Variants in DMGDH observed in about 807,000 individuals in gnomAD.
DMGDH encodes the protein dimethylglycine dehydrogenase, mitochondrial.
A neutral mutation model predicts 95.2 loss-of-function variants in DMGDH; 76 were observed. The ratio of observed to expected loss-of-function variants is 0.80; its 90% CI spans 0.66 to 0.97. The LOEUF (loss-of-function observed/expected upper bound fraction) is 0.97, where lower values mean the gene tolerates loss of function less well. Among genes scored for constraint, DMGDH ranks in the 50% least tolerant of loss-of-function variants. DMGDH has a pLI of 0.00. For synonymous variants in DMGDH, 345 were observed against 377.6 expected (o/e 0.91, Z 1.00); for missense variants, 987 against 1,055.0 (o/e 0.94, Z 0.89).
At chr5:79,018,383 C>T (rs1014159155) in intron 14 of DMGDH, among the ~76,000 whole-genome samples, 7 of 152,066 alleles carry the variant, frequency 4.6e-5, no homozygotes, top group South Asian at 2.1e-4. Context: ...CAAGTTATGC[C>T]GAGGGAAAGA....
intron 5 of DMGDH, among the ~76,000 whole-genome samples, chr5:79,044,758 G>T (rs1024751982): frequency 2.0e-5 from 3 of 152,142 alleles, no homozygotes; most frequent in Non-Finnish European, 4.4e-5. Context: ...CCAGAGATTT[G>T]AAGATATCTG....
chr5:79,021,335 C>G, intron 14 of DMGDH: 1 of 1,109,164 alleles, frequency 9.0e-7, no homozygotes, highest in Non-Finnish European at 1.1e-6. Flanking sequence ...TGAGAGCCAT[C>G]AGGAGTATAT....
At position 79,069,509 on chromosome 5, in the gene DMGDH, GC is replaced by G; in HGVS notation, c.101+10del. 7.8e-7 allele frequency: 1 copy of G among 1,278,202 alleles called. No individual in the cohort carries two copies. The highest frequency in any genetic ancestry group is 9.9e-7 in the Non-Finnish European group (1 of 1,012,484). 79.2% of individuals were successfully genotyped at this position (1,278,202 alleles called of 1,614,324 possible). A position where few individuals can be genotyped will look rare whatever the true frequency, so the allele number is the denominator to read the frequency against. ...CCCCGTCGCCTCTGAGCAGGACGGG[GC>G]CCCACTCACCCTTCCCGGCCGCAGA... On this transcript the variant is annotated intron_variant, in intron 1 of 15. Coordinates refer to ENST00000255189, the MANE Select transcript of DMGDH (RefSeq NM_013391.3).
At chr5:79,007,251 C>T (rs772403051) in intron 14 of DMGDH, among the ~76,000 whole-genome samples, 4 of 152,194 alleles carry the variant, frequency 2.6e-5, no homozygotes, top group Non-Finnish European at 4.4e-5. Context: ...GACCCTTGAA[C>T]AATACCACTT....
intron 5 of DMGDH, 29 bp from the exon 6 acceptor site, chr5:79,044,581 C>T (rs1754616304): frequency 1.2e-6 from 2 of 1,612,438 alleles, no homozygotes; most frequent in South Asian, 2.2e-5. Flanking sequence ...TTAAAAGTGT[C>T]AGCCCATATA....
At chr5:79,018,638 A>G (rs1753794011) in intron 14 of DMGDH, among the ~76,000 whole-genome samples, 1 of 152,096 alleles carries the variant, frequency 6.6e-6, no homozygotes, top group Non-Finnish European at 1.5e-5. Flanking sequence ...AAACTTATCA[A>G]ATTGCTTACT....
chr5:79,038,326 A>G (rs1374884917), intron 7 of DMGDH, among the ~76,000 whole-genome samples: 2 of 152,136 alleles, frequency 1.3e-5, no homozygotes, highest in Admixed American at 1.3e-4. Flanking sequence ...TCTACTAAAA[A>G]TACAAAAATT....
Position 79,032,728 on chromosome 5 carries a change from C to G in DMGDH, c.1476G>C (p.Gln492His). 6.2e-7 allele frequency: 1 copy of G among 1,614,210 alleles called. No homozygotes were observed. Among genetic ancestry groups the G allele is most frequent in the Non-Finnish European group, 8.5e-7 (1 of 1,180,046 alleles). ...CSMGFHAGWE[Q>H]PHWFYKPGQD... is the part of the protein sequence containing the mutation. ...GGCCTGGTTTGTAGAACCAGTGCGGCTGCTCCCAGCCAGCATGGAACCCCA... is the reference window on the plus strand; with the variant it reads ...GGCCTGGTTTGTAGAACCAGTGCGGGTGCTCCCAGCCAGCATGGAACCCCA... Residue 492 changes from glutamine (Q) to histidine (H), a missense_variant, in exon 9 of 16, where the codon CAG becomes CAC. Gln to His is a conservative substitution (Grantham distance 24). Coordinates refer to ENST00000255189, the MANE Select transcript of DMGDH (RefSeq NM_013391.3).
At chr5:79,050,271 AAAATATATATATATAT>A (rs1347062770) in intron 5 of DMGDH, among the ~76,000 whole-genome samples, 21 of 20,146 alleles carry the variant, frequency 1.0e-3, no homozygotes, top group Admixed American at 1.7e-3. Context: ...AAAAAAAAAA[AAAATATATATATATAT>A]ATATATATAT....
In DMGDH at chr5:79,051,399, G is replaced by A; in HGVS notation, c.633C>T (p.Ala211=). The A allele has an allele frequency of 6.2e-7, 1 of 1,614,072 alleles. No individual in the cohort carries two copies. Among genetic ancestry groups the A allele is most frequent in the Non-Finnish European group, 8.5e-7 (1 of 1,180,006 alleles). The part of the protein sequence containing the change: ...ALAAGARKCG[A]LLKYPAPVTS... ...TTACTGGTGCAGGATATTTTAAAAG[G>A]GCACCACATTTCCTAGCCCCAGCAG... Residue 211 remains alanine, a synonymous_variant, in exon 5 of 16, where the codon GCC becomes GCT. Coordinates refer to ENST00000255189, the MANE Select transcript of DMGDH (RefSeq NM_013391.3).
intron 14 of DMGDH, among the ~76,000 whole-genome samples, chr5:79,011,318 G>A (rs1753644088): frequency 6.6e-6 from 1 of 152,166 alleles, no homozygotes; most frequent in African/African-American, 2.4e-5. Flanking sequence ...TATGGATCTT[G>A]CCAGCAGCAA....
intron 15 of DMGDH, among the ~76,000 whole-genome samples, chr5:78,999,433 C>T (rs1465204776): frequency 6.6e-6 from 1 of 152,182 alleles, no homozygotes. Flanking sequence ...CAGGTTCATG[C>T]CATTCTCCTG....
intron 7 of DMGDH, among the ~76,000 whole-genome samples, chr5:79,033,710 CG>C (rs1754258379): frequency 6.6e-6 from 1 of 152,142 alleles, no homozygotes; most frequent in South Asian, 2.1e-4. Context: ...TTGGAAGGAT[CG>C]TTTGAGACCA....
chr5:79,031,062 G>A lies in DMGDH; in HGVS notation c.1518-64C>T, dbSNP rs1375034121. ...TCATTTTTCAAAAATTACAGAATAC[G>A]ATATTTTAATAAGCCCTACTCATCT... is the stretch of plus-strand genomic sequence containing the variant. On this transcript the variant is annotated intron_variant, in intron 9 of 15. Transcript: ENST00000255189. The A allele has an allele frequency of 4.5e-6, 7 of 1,572,406 alleles. No individual in the cohort carries two copies. In the East Asian group the frequency reaches 6.7e-5, roughly 15 times the overall value.
At chr5:79,044,277 G>A in intron 6 of DMGDH, 27 bp downstream of exon 6, 1 of 1,614,132 alleles carries the variant, frequency 6.2e-7, no homozygotes, top group Non-Finnish European at 8.5e-7. Flanking sequence ...TGTCTGACTA[G>A]CACACACTTT....
chr5:79,033,539 T>G, intron 7 of DMGDH, 131 bp from the exon 8 acceptor site: 1 of 1,101,216 alleles, frequency 9.1e-7, no homozygotes, highest in Non-Finnish European at 1.3e-6. Flanking sequence ...TAACATAATC[T>G]CTATGGAACA....
At chr5:79,057,519 A>AT (rs58120939) in intron 2 of DMGDH, among the ~76,000 whole-genome samples, 10,659 of 146,380 alleles carry the variant, frequency 0.073, 824 homozygotes, top group African/African-American at 0.18. Flanking sequence ...TCCATGGCTG[A>AT]TTTTTTTTTT....
intron 14 of DMGDH, among the ~76,000 whole-genome samples, chr5:79,013,726 C>T (rs1753683698): frequency 6.6e-6 from 1 of 152,164 alleles, no homozygotes; most frequent in African/African-American, 2.4e-5. Context: ...AACTTACAAT[C>T]ATGGCAGAAG....
At chr5:79,027,844 T>C (rs79982726) in intron 12 of DMGDH, among the ~76,000 whole-genome samples, 13 of 89,622 alleles carry the variant, frequency 1.5e-4, no homozygotes, top group South Asian at 7.1e-4. Context: ...ACTTTTCTTT[T>C]TTTTTTTTTT....
Sources: gnomAD v4.1 joint callset for allele counts (sites outside exome capture counted in the v4.1 genomes callset) on GRCh38, gnomAD v4.1.1 for gene constraint, MANE v1.5 for transcripts, NCBI Gene and HGNC (gene_info 2026-07-23, HGNC 2026-07-21) for gene names.